Variants in MAF observed in about 807,000 individuals in gnomAD.
MAF encodes the protein MAF bZIP transcription factor, also known as transcription factor Maf.
Under a neutral mutation model 22.0 loss-of-function variants are expected in MAF, and 10 were observed. The ratio of observed to expected loss-of-function variants is 0.45; its 90% CI spans 0.28 to 0.77. MAF has a LOEUF of 0.77. Among genes scored for constraint, MAF ranks in the 30% least tolerant of loss-of-function variants. The pLI, the probability that MAF is intolerant of heterozygous loss-of-function variation, is 0.12. For missense variants in MAF, 544 were observed against 548.4 expected, an observed-to-expected ratio of 0.99 and a Z score of 0.08; for synonymous variants, 337 against 255.8, an observed-to-expected ratio of 1.32 and a Z score of -3.03.
the MAF span, among the ~76,000 whole-genome samples, chr16:79,424,696 CT>C: frequency 1.3e-5 from 2 of 152,250 alleles, no homozygotes; most frequent in East Asian, 3.9e-4. Flanking sequence ...TGCTGTGAGA[CT>C]GTTGGAAAGA....
the MAF span, among the ~76,000 whole-genome samples, chr16:79,324,019 G>A: frequency 7.4e-3 from 1,132 of 152,254 alleles, 13 homozygotes; most frequent in African/African-American, 0.026. Flanking sequence ...GCTCCACTAA[G>A]GGAGGGATAT....
At chr16:79,451,110 T>C in the MAF span, among the ~76,000 whole-genome samples, 1 of 152,126 alleles carries the variant, frequency 6.6e-6, no homozygotes, top group Admixed American at 6.5e-5. Context: ...CCCAGAAACC[T>C]GAAAGGAATA....
chr16:79,229,807 A>T, the MAF span, among the ~76,000 whole-genome samples: 1 of 152,032 alleles, frequency 6.6e-6, no homozygotes, highest in African/African-American at 2.4e-5. Context: ...GTTTAATCCT[A>T]ACCTAGTGGT....
At chr16:79,484,158 G>C in the MAF span, among the ~76,000 whole-genome samples, 3 of 152,188 alleles carry the variant, frequency 2.0e-5, no homozygotes, top group Non-Finnish European at 4.4e-5. Context: ...GTCTTGCACA[G>C]AGTTAAGGGA....
the MAF span, among the ~76,000 whole-genome samples, chr16:79,423,474 T>C: frequency 6.6e-6 from 1 of 152,010 alleles, no homozygotes; most frequent in African/African-American, 2.4e-5. Context: ...CACAGAATTA[T>C]CCAAATCATG....
At chr16:79,430,638 T>C in the MAF span, among the ~76,000 whole-genome samples, 1 of 152,146 alleles carries the variant, frequency 6.6e-6, no homozygotes, top group Non-Finnish European at 1.5e-5. Flanking sequence ...AGGCCTGGTG[T>C]TGGTGGAGAG....
At chr16:79,511,087 T>C in the MAF span, among the ~76,000 whole-genome samples, 1 of 92,610 alleles carries the variant, frequency 1.1e-5, no homozygotes, top group Non-Finnish European at 2.3e-5. Flanking sequence ...CTCATGAGAA[T>C]CTCCCCGCGC....
At chr16:79,211,738 C>T in the MAF span, 4 of 1,614,214 alleles carry the variant, frequency 2.5e-6, no homozygotes, top group South Asian at 2.2e-5. Context: ...ACGGCCCGGA[C>T]CCTGTGGGCG....
At chr16:79,440,731 G>C in the MAF span, among the ~76,000 whole-genome samples, 1 of 152,186 alleles carries the variant, frequency 6.6e-6, no homozygotes, top group Admixed American at 6.5e-5. Context: ...AATTTCAAAT[G>C]ATTACTAGTA....
chr16:79,547,831 A>T, the MAF span, among the ~76,000 whole-genome samples: 3 of 152,004 alleles, frequency 2.0e-5, no homozygotes, highest in Non-Finnish European at 2.9e-5. Context: ...TCTCCTCTGT[A>T]GCAAACTCAC....
the MAF span, among the ~76,000 whole-genome samples, chr16:79,524,984 G>A: frequency 2.3e-4 from 35 of 152,270 alleles, no homozygotes; most frequent in African/African-American, 7.9e-4. Context: ...ATTTCTAAAT[G>A]AGTGCAAAAC....
At chr16:79,568,124 G>A in the MAF span, among the ~76,000 whole-genome samples, 1 of 152,190 alleles carries the variant, frequency 6.6e-6, no homozygotes, top group Admixed American at 6.5e-5. Flanking sequence ...GGAAGAGGGA[G>A]TCTGTTTCTC....
chr16:79,348,530 T>C, the MAF span, among the ~76,000 whole-genome samples: 2 of 152,180 alleles, frequency 1.3e-5, no homozygotes, highest in Admixed American at 6.5e-5. Context: ...ATTGGCACTT[T>C]AGTGTGATAA....
chr16:79,546,438 G>C, the MAF span, among the ~76,000 whole-genome samples: 1 of 152,106 alleles, frequency 6.6e-6, no homozygotes, highest in Non-Finnish European at 1.5e-5. Context: ...AGAAAGTTTT[G>C]ACAATTTTGA....
the MAF span, among the ~76,000 whole-genome samples, chr16:79,290,620 G>C: frequency 1.3e-5 from 2 of 152,102 alleles, no homozygotes; most frequent in African/African-American, 4.8e-5. Flanking sequence ...ATTTGGGCTG[G>C]GGGGTTGGCT....
the MAF span, among the ~76,000 whole-genome samples, chr16:79,297,778 T>C: frequency 2.0e-5 from 3 of 152,214 alleles, no homozygotes; most frequent in African/African-American, 7.2e-5. Context: ...CATTGGCTTC[T>C]CTATGCGAGG....
At chr16:79,479,923 A>C in the MAF span, among the ~76,000 whole-genome samples, 1 of 152,324 alleles carries the variant, frequency 6.6e-6, no homozygotes, top group Non-Finnish European at 1.5e-5. Context: ...CCAAGTGTCC[A>C]CAGTCCTACA....
intron 1 of MAF, among the ~76,000 whole-genome samples, chr16:79,588,123 G>T (rs1390391831): frequency 1.3e-5 from 2 of 152,186 alleles, no homozygotes; most frequent in Non-Finnish European, 2.9e-5. Context: ...AAATAGTACA[G>T]GAGCATGCAC....
At chr16:79,350,359 G>A in the MAF span, among the ~76,000 whole-genome samples, 1 of 152,152 alleles carries the variant, frequency 6.6e-6, no homozygotes, top group Non-Finnish European at 1.5e-5. Context: ...TGCCTCAGGC[G>A]AGTTCTGACC....
Sources: allele counts gnomAD v4.1 joint callset (sites outside exome capture counted in the v4.1 genomes callset), GRCh38; gene constraint gnomAD v4.1.1; transcripts MANE v1.5; gene names NCBI Gene and HGNC (gene_info 2026-07-23, HGNC 2026-07-21).